TRPM8: variants seen among roughly 807,000 people sequenced by gnomAD.
TRPM8 encodes transient receptor potential cation channel subfamily M member 8, also known as TRPM8 cationic channel.
In TRPM8, 110 loss-of-function variants were observed where a neutral mutation model predicts 133.7. The ratio of observed to expected loss-of-function variants is 0.82; its 90% CI spans 0.70 to 0.96. The LOEUF (loss-of-function observed/expected upper bound fraction) is 0.96, where lower values mean the gene tolerates loss of function less well. Ranked by LOEUF, TRPM8 falls within the 40% of genes least tolerant of loss-of-function variation. The probability of loss-of-function intolerance (pLI) is 0.00; values close to 1 mark genes in which losing one functional copy is unlikely to be tolerated. For missense variants in TRPM8, 1,291 were observed against 1,379.5 expected (o/e 0.94, Z 1.02); for synonymous variants, 535 against 532.3 (o/e 1.01, Z -0.07).
At chr2:233,939,793 G>A (rs2125089926) in intron 5 of TRPM8, among the ~76,000 whole-genome samples, 1 of 152,160 alleles carries the variant, frequency 6.6e-6, no homozygotes, top group Middle Eastern at 3.4e-3. Context: ...AAATATCTAC[G>A]TATGACTTTG....
intron 25 of TRPM8, 137 bp downstream of exon 25, chr2:234,014,791 A>AAAG (rs138288934): frequency 5.0e-5 from 23 of 464,422 alleles, no homozygotes; most frequent in Non-Finnish European, 4.2e-5. Context: ...GTGCAAAAAA[A>AAAG]AAAAATACAG....
At chr2:233,918,278 T>G (rs1165417979) in intron 1 of TRPM8, among the ~76,000 whole-genome samples, 1 of 150,510 alleles carries the variant, frequency 6.6e-6, no homozygotes, top group Non-Finnish European at 1.5e-5. Context: ...GGAAAAAAGC[T>G]GTTTATTATT....
intron 4 of TRPM8, 108 bp downstream of exon 4, chr2:233,937,617 A>T: frequency 7.9e-7 from 1 of 1,260,108 alleles, no homozygotes; most frequent in South Asian, 1.5e-5. Context: ...AGAGATGGGT[A>T]GTAAACACCA....
intron 5 of TRPM8, among the ~76,000 whole-genome samples, chr2:233,940,235 T>A (rs1324369227): frequency 6.6e-6 from 1 of 152,110 alleles, no homozygotes; most frequent in Non-Finnish European, 1.5e-5. Context: ...TTACGCAGAA[T>A]TAATATTGAC....
chr2:234,004,864 T>G (rs528316850), intron 22 of TRPM8, among the ~76,000 whole-genome samples: 19 of 152,352 alleles, frequency 1.2e-4, no homozygotes, highest in Non-Finnish European at 2.2e-4. Flanking sequence ...ATTCATAATC[T>G]AACTTGCTCA....
At chr2:233,927,896 T>C (rs1156828882) in intron 2 of TRPM8, among the ~76,000 whole-genome samples, 1 of 74,284 alleles carries the variant, frequency 1.3e-5, no homozygotes, top group Non-Finnish European at 2.2e-5. Flanking sequence ...CTTTCTTTCT[T>C]TCTTTCTTTC....
chr2:233,963,309 C>G lies in TRPM8; in HGVS notation c.1681C>G (p.Leu561Val). ...CGTGTCTCCTATTACTCGGCACCCC[C>G]TGCAAGCTCTCTTCATCTGGGCCAT... ...HDVSPITRHP[L>V]QALFIWAILQ... is the part of the protein sequence containing the mutation. Residue 561 changes from leucine to valine, a missense_variant, in exon 13 of 26, where the codon CTG becomes GTG. Leu to Val is a conservative substitution (Grantham distance 32, BLOSUM62 1). Transcript: ENST00000324695. 6.2e-7 allele frequency: 1 copy of G among 1,613,568 alleles called. No individual in the cohort carries two copies. The highest frequency in any genetic ancestry group is 8.5e-7 in the Non-Finnish European group (1 of 1,179,720).
chr2:233,984,287 A>G (rs1167545059), intron 20 of TRPM8, among the ~76,000 whole-genome samples: 1 of 152,062 alleles, frequency 6.6e-6, no homozygotes, highest in African/African-American at 2.4e-5. Flanking sequence ...TCAGATGAGG[A>G]TCTCTGGCAC....
intron 11 of TRPM8, among the ~76,000 whole-genome samples, chr2:233,957,582 A>G (rs1691324365): frequency 2.0e-5 from 3 of 152,246 alleles, no homozygotes; most frequent in Admixed American, 2.0e-4. Context: ...TTTATAGAAT[A>G]TAGAATATAG....
At position 233,950,046 on chromosome 2, in the gene TRPM8, A is replaced by G. The variant is rs780538398; in HGVS notation, c.1040A>G (p.Asp347Gly). Residue 347 changes from aspartate (D) to glycine (G), a missense_variant, in exon 9 of 26, where the codon GAT (aspartate) becomes GGT (glycine). This residue lies in a region of TRPM8 where 963 missense variants were observed against 968.9 expected (regional missense o/e 0.99). Coordinates refer to ENST00000324695, the MANE Select transcript of TRPM8 (RefSeq NM_024080.5). ...ATCGCTAGCCTGGTGGAGGTGGAGG[A>G]TGCCCTGACATCTTCTGCCGTCAAG... ...DVIASLVEVE[D>G]ALTSSAVKEK... The G allele has an allele frequency of 6.2e-7, 1 of 1,614,138 alleles. No homozygotes were observed. The highest frequency in any genetic ancestry group is 1.1e-5 in the South Asian group (1 of 91,070).
At chr2:233,921,149 C>G (rs1044812358) in intron 1 of TRPM8, among the ~76,000 whole-genome samples, 2 of 152,172 alleles carry the variant, frequency 1.3e-5, no homozygotes, top group Non-Finnish European at 2.9e-5. Flanking sequence ...GCATGAACTA[C>G]CACGCCCGGC....
chr2:233,999,272 C>G (rs776433150), intron 22 of TRPM8, among the ~76,000 whole-genome samples: 1 of 152,154 alleles, frequency 6.6e-6, no homozygotes, highest in Non-Finnish European at 1.5e-5. Context: ...TTCTCACATG[C>G]AGTGCCGGCT....
chr2:233,961,899 G>A (rs1014928286), intron 12 of TRPM8, among the ~76,000 whole-genome samples: 1 of 152,176 alleles, frequency 6.6e-6, no homozygotes, highest in East Asian at 1.9e-4. Flanking sequence ...CAAGTGTTGG[G>A]ATTACAGGCG....
intron 7 of TRPM8, 42 bp downstream of exon 7, chr2:233,946,072 C>A: frequency 6.4e-7 from 1 of 1,552,922 alleles, no homozygotes. Context: ...GTACAATAAC[C>A]ACAGCAGCCA....
chr2:233,956,006 C>T (rs1014246123), intron 11 of TRPM8, among the ~76,000 whole-genome samples: 1 of 152,168 alleles, frequency 6.6e-6, no homozygotes, highest in Non-Finnish European at 1.5e-5. Flanking sequence ...ACACTGCCAC[C>T]CATCACCCCC....
At chr2:233,952,638 G>T (rs1309525851) in intron 9 of TRPM8, among the ~76,000 whole-genome samples, 1 of 151,742 alleles carries the variant, frequency 6.6e-6, no homozygotes, top group Admixed American at 6.6e-5. Context: ...CAAGTGTAAT[G>T]GGATATCATT....
intron 22 of TRPM8, among the ~76,000 whole-genome samples, chr2:233,997,075 G>T (rs17862943): frequency 1.3e-5 from 2 of 151,986 alleles, no homozygotes; most frequent in South Asian, 2.1e-4. Context: ...GACCAGCCTG[G>T]GCAACACGGT....
chr2:234,004,848 A>C (rs1033039262), intron 22 of TRPM8, among the ~76,000 whole-genome samples: 4 of 152,226 alleles, frequency 2.6e-5, no homozygotes, highest in Non-Finnish European at 5.9e-5. Flanking sequence ...TGCTCTACAC[A>C]CACACATTCA....
At chr2:233,953,333 T>C (rs1691214767) in intron 9 of TRPM8, among the ~76,000 whole-genome samples, 2 of 152,228 alleles carry the variant, frequency 1.3e-5, no homozygotes, top group East Asian at 3.8e-4. Flanking sequence ...CTCCCTTGGC[T>C]AGAAGGGGCC....
Sources: allele counts gnomAD v4.1 joint callset (sites outside exome capture counted in the v4.1 genomes callset), GRCh38; gene constraint gnomAD v4.1.1; regional missense constraint gnomAD v4.1.1; transcripts MANE v1.5; gene names NCBI Gene and HGNC (gene_info 2026-07-23, HGNC 2026-07-21).